The following EYS variants were observed in gnomAD, a reference collection of about 807,000 sequenced individuals.
The protein encoded by EYS is protein eyes shut homolog.
EYS carries 250 observed loss-of-function variants against 282.1 expected under a neutral mutation model. That is an observed-to-expected ratio of 0.89 (90% CI 0.80 to 0.98). The LOEUF (loss-of-function observed/expected upper bound fraction) is 0.98, where lower values mean the gene tolerates loss of function less well. Among genes scored for constraint, EYS ranks in the 50% least tolerant of loss-of-function variants. The pLI is 0.00. For synonymous variants in EYS, 1,355 were observed against 1,282.9 expected, an observed-to-expected ratio of 1.06 and a Z score of -1.20; for missense variants, 4,016 against 3,709.0, an observed-to-expected ratio of 1.08 and a Z score of -2.15.
At chr6:65,377,026 A>G (rs113331353) in intron 8 of EYS, among the ~76,000 whole-genome samples, 6 of 152,202 alleles carry the variant, frequency 3.9e-5, no homozygotes, top group Non-Finnish European at 5.9e-5. Flanking sequence ...AAGCAGCCCT[A>G]GTAGATATCT....
chr6:65,486,573 A>G (rs1417842170), intron 5 of EYS, among the ~76,000 whole-genome samples: 1 of 152,224 alleles, frequency 6.6e-6, no homozygotes, highest in Non-Finnish European at 1.5e-5. Flanking sequence ...AAAGACACTT[A>G]GCAAATTTAA....
At position 65,244,502 on chromosome 6, in the gene EYS, C is replaced by CTATT. The variant is rs369691470; in HGVS notation, c.2023+51357_2023+51360dup. On this transcript the variant is annotated intron_variant, in intron 12 of 42. Coordinates refer to ENST00000503581, the MANE Select transcript of EYS (RefSeq NM_001142800.2). ...CTAATTTCTACCTTAATTATCCGAACTATTTATTTATTTATTTATTTATTA... is the reference window on the plus strand; with the variant it reads ...CTAATTTCTACCTTAATTATCCGAACTATTTATTTATTTATTTATTTATTTATTA... 2.9e-3 allele frequency among the ~76,000 whole-genome samples: 443 copies of CTATT among 151,466 alleles called. 3 individuals are homozygous for CTATT. Among genetic ancestry groups the CTATT allele is most frequent in the South Asian group, 4.4e-3 (21 of 4,800 alleles).
intron 41 of EYS, among the ~76,000 whole-genome samples, chr6:63,758,908 G>A (rs1562012625): frequency 6.6e-6 from 1 of 151,976 alleles, no homozygotes; most frequent in Non-Finnish European, 1.5e-5. Flanking sequence ...CCTGCCTGAG[G>A]GGAAGTAGCA....
At chr6:64,006,676 G>A (rs1768362614) in intron 33 of EYS, among the ~76,000 whole-genome samples, 1 of 151,768 alleles carries the variant, frequency 6.6e-6, no homozygotes, top group Non-Finnish European at 1.5e-5. Flanking sequence ...ATGCCTAAAT[G>A]CCTAGTTTAT....
intron 2 of EYS, among the ~76,000 whole-genome samples, chr6:65,550,147 T>C (rs200424961): frequency 0.12 from 785 of 6,792 alleles, 41 homozygotes; most frequent in East Asian, 0.55. Context: ...CTATATCTTT[T>C]TTTTTTTTTT....
intron 5 of EYS, among the ~76,000 whole-genome samples, chr6:65,457,426 A>G (rs1033849073): frequency 3.3e-5 from 5 of 151,992 alleles, no homozygotes; most frequent in Non-Finnish European, 7.4e-5. Flanking sequence ...CAGCCTTCCT[A>G]AGTGCTAGAA....
chr6:65,311,003 T>C (rs1264667071), intron 11 of EYS, among the ~76,000 whole-genome samples: 1 of 152,126 alleles, frequency 6.6e-6, no homozygotes, highest in Non-Finnish European at 1.5e-5. Flanking sequence ...ACATAATCGA[T>C]ACCCATTAAA....
At chr6:63,827,836 G>A (rs1771514333) in intron 36 of EYS, among the ~76,000 whole-genome samples, 1 of 118,490 alleles carries the variant, frequency 8.4e-6, no homozygotes, top group Non-Finnish European at 1.6e-5. Context: ...GGGCGACAGA[G>A]CAAGACTCCG....
intron 31 of EYS, among the ~76,000 whole-genome samples, chr6:64,222,970 T>C (rs1766147699): frequency 6.6e-6 from 1 of 152,114 alleles, no homozygotes; most frequent in South Asian, 2.1e-4. Context: ...AAAATCATTC[T>C]TATATACTCA....
At chr6:63,963,974 T>C (rs1766192881) in intron 35 of EYS, among the ~76,000 whole-genome samples, 1 of 152,202 alleles carries the variant, frequency 6.6e-6, no homozygotes, top group African/African-American at 2.4e-5. Flanking sequence ...AGTAAGTTAT[T>C]AATGTTTTTG....
intron 32 of EYS, among the ~76,000 whole-genome samples, chr6:64,070,441 A>G (rs1771532627): frequency 2.0e-5 from 3 of 152,070 alleles, no homozygotes; most frequent in Non-Finnish European, 4.4e-5. Context: ...GATTTTTCCA[A>G]AATTCTAATT....
chr6:64,589,662 C>A (rs1337654992), intron 26 of EYS, among the ~76,000 whole-genome samples: 1 of 151,986 alleles, frequency 6.6e-6, no homozygotes, highest in African/African-American at 2.4e-5. Flanking sequence ...TTATCTCCTT[C>A]AATTTTTGCA....
intron 37 of EYS, among the ~76,000 whole-genome samples, chr6:63,799,517 G>T (rs1430559576): frequency 1.3e-5 from 2 of 152,076 alleles, no homozygotes; most frequent in Non-Finnish European, 2.9e-5. Flanking sequence ...TGTCCACAGA[G>T]AGACTTTCAG....
At chr6:64,664,517 A>G (rs1769161413) in intron 22 of EYS, among the ~76,000 whole-genome samples, 1 of 152,154 alleles carries the variant, frequency 6.6e-6, no homozygotes, top group African/African-American at 2.4e-5. Context: ...ATTTGGCCAA[A>G]AGAGTTAAAA....
chr6:64,876,015 T>C (rs1455421299), intron 19 of EYS, among the ~76,000 whole-genome samples: 1 of 151,990 alleles, frequency 6.6e-6, no homozygotes, highest in Non-Finnish European at 1.5e-5. Flanking sequence ...TTGTCTTAAT[T>C]TGCTATTGGT....
chr6:65,114,423 C>T (rs1210121752), intron 12 of EYS, among the ~76,000 whole-genome samples: 1 of 148,062 alleles, frequency 6.8e-6, no homozygotes, highest in Non-Finnish European at 1.5e-5. Context: ...GAAATCCTGG[C>T]ATTCTTATTC....
chr6:64,695,440 C>G (rs1323473264), intron 22 of EYS, among the ~76,000 whole-genome samples: 1 of 152,112 alleles, frequency 6.6e-6, no homozygotes, highest in African/African-American at 2.4e-5. Context: ...CTTCAGCTCA[C>G]TCATCCTCCC....
At chr6:65,607,923 C>CA (rs901289596) in intron 2 of EYS, among the ~76,000 whole-genome samples, 2 of 151,926 alleles carry the variant, frequency 1.3e-5, no homozygotes, top group African/African-American at 4.8e-5. Context: ...GAGAAAGCAG[C>CA]AAAAGCAAAA....
At chr6:64,210,388 C>T (rs1001369315) in intron 31 of EYS, among the ~76,000 whole-genome samples, 14 of 152,122 alleles carry the variant, frequency 9.2e-5, no homozygotes, top group Admixed American at 9.2e-4. Context: ...CAGACAGCTG[C>T]CTTCTCTCTG....
Sources: gnomAD v4.1 joint callset for allele counts (sites outside exome capture counted in the v4.1 genomes callset) on GRCh38, gnomAD v4.1.1 for gene constraint, MANE v1.5 for transcripts, NCBI Gene and HGNC (gene_info 2026-07-23, HGNC 2026-07-21) for gene names.